LMO3: variants seen among roughly 807,000 people sequenced by gnomAD.
LMO3 encodes LIM domain only 3, also known as LIM domain only protein 3.
LMO3 carries 2 observed loss-of-function variants against 15.8 expected under a neutral mutation model. The observed-to-expected ratio is 0.13, with a 90% CI of 0.05 to 0.40. LMO3 has a LOEUF of 0.40. Among genes scored for constraint, LMO3 ranks in the 10% least tolerant of loss-of-function variants. LMO3 has a pLI of 0.99. For synonymous variants in LMO3, 62 were observed against 63.8 expected (o/e 0.97, Z 0.13); for missense variants, 86 against 182.2 (o/e 0.47, Z 3.04).
rs1362296549 is a variant in LMO3 at position 16,559,280 on chromosome 12, T to C, written c.332+1133A>G. 6.6e-6 allele frequency among the ~76,000 whole-genome samples: 1 copy of C among 152,198 alleles called. No individual in the cohort carries two copies. Among genetic ancestry groups the C allele is most frequent in the East Asian group, 1.9e-4 (1 of 5,200 alleles). On this transcript the variant is annotated intron_variant, in intron 3 of 3. Coordinates refer to ENST00000537304, the MANE Select transcript of LMO3 (RefSeq NM_018640.5). This position sits in a 1 kb window ranked among gnomAD's most constrained non-coding sequence, Gnocchi z 4.1. ...GTTCTAAAATCCTCTCCATTTATCA[T>C]ATAAAACAGGTGCCAGTAGTATATA...
intron 3 of LMO3, among the ~76,000 whole-genome samples, chr12:16,551,686 A>T (rs953387680): frequency 1.3e-5 from 2 of 151,950 alleles, no homozygotes; most frequent in Non-Finnish European, 2.9e-5. Context: ...AATGATAATA[A>T]TGTTTCACTG....
At position 16,603,936 on chromosome 12, in the gene LMO3, G is replaced by A. The variant is rs767853779; in HGVS notation, c.-9+2130C>T. Among the ~76,000 whole-genome samples the A allele has an allele frequency of 2.0e-5, 3 of 152,070 alleles. No homozygotes were observed. The highest frequency in any genetic ancestry group is 1.9e-4 in the East Asian group (1 of 5,192). On this transcript the variant is annotated intron_variant, in intron 1 of 3. Coordinates refer to ENST00000537304, the MANE Select transcript of LMO3 (RefSeq NM_018640.5). The surrounding 1 kb of genome is among the most constrained non-coding windows in gnomAD (Gnocchi z 4.9). ...GTGAATAGAAAACATTTTGTCCGTC[G>A]GAAAATTCACAGAGAACAATTTGGG...
At chr12:16,562,029 C>G (rs148509238) in intron 2 of LMO3, among the ~76,000 whole-genome samples, 110 of 152,240 alleles carry the variant, frequency 7.2e-4, no homozygotes, top group Non-Finnish European at 9.9e-4. Flanking sequence ...ACCCAAGTAA[C>G]CTTCATGTTC....
chr12:16,605,397 G>A, intron 1 of LMO3: 1 of 1,201,262 alleles, frequency 8.3e-7, no homozygotes, highest in Non-Finnish European at 1.0e-6. Context: ...TTGGTCCAGG[G>A]ACCTTCCCTC....
intron 1 of LMO3, chr12:16,605,838 CTCA>C (rs1282808271): frequency 1.3e-6 from 2 of 1,534,898 alleles, no homozygotes; most frequent in Admixed American, 3.9e-5. Flanking sequence ...TATTTCATGT[CTCA>C]TCATAAAAAT....
chr12:16,594,588 C>A (rs532718017), intron 2 of LMO3, among the ~76,000 whole-genome samples: 1 of 151,660 alleles, frequency 6.6e-6, no homozygotes, highest in Admixed American at 6.6e-5. Context: ...AGAAGACATT[C>A]TCATACGAGT....
chr12:16,590,662 T>C (rs549344536), intron 2 of LMO3, among the ~76,000 whole-genome samples: 4 of 152,038 alleles, frequency 2.6e-5, no homozygotes, highest in Admixed American at 2.6e-4. Flanking sequence ...TTGGTCAAGA[T>C]CTTACTCTCA....
chr12:16,605,031 A>G, intron 1 of LMO3: 1 of 1,553,368 alleles, frequency 6.4e-7, no homozygotes, highest in Non-Finnish European at 8.6e-7. Flanking sequence ...GACTATTGTG[A>G]AGCCACTTTG....
rs528402534 is a variant in LMO3, at chr12:16,584,468, G to T, written c.206+16187C>A. On this transcript the variant is annotated intron_variant, in intron 2 of 3. Transcript: ENST00000537304. This position sits in a 1 kb window ranked among gnomAD's most constrained non-coding sequence, Gnocchi z 5.2. The stretch of plus-strand genomic sequence containing the variant: ...CAAAAGTTATTGACAAGGACATGAG[G>T]TTTCTGGAGGACCCAGTGGAAAAGT... 7.2e-4 allele frequency among the ~76,000 whole-genome samples: 110 copies of T among 152,288 alleles called. No individual in the cohort carries two copies. Among genetic ancestry groups the T allele is most frequent in the African/African-American group, 2.5e-3 (105 of 41,560 alleles).
At chr12:16,566,825 C>T (rs556256103) in intron 2 of LMO3, among the ~76,000 whole-genome samples, 2 of 152,158 alleles carry the variant, frequency 1.3e-5, no homozygotes, top group South Asian at 2.1e-4. Context: ...CACATACACA[C>T]ATAATAGGCA....
intron 2 of LMO3, among the ~76,000 whole-genome samples, chr12:16,578,605 G>A (rs1943064931): frequency 1.3e-5 from 2 of 152,112 alleles, no homozygotes; most frequent in Admixed American, 6.5e-5. Flanking sequence ...ATCACTTGAG[G>A]TCAGGAGTTC....
At position 16,604,725 on chromosome 12, in the gene LMO3, C is replaced by T; in HGVS notation, c.-9+1341G>A. 1.1e-6 allele frequency: 1 copy of T among 894,750 alleles called. No homozygotes were observed. The highest frequency in any genetic ancestry group is 1.6e-5 in the African/African-American group (1 of 60,946). The allele number at this position is 894,750 out of a possible 1,614,324, so 55.4% of individuals were successfully genotyped here. On this transcript the variant is annotated intron_variant, in intron 1 of 3. Coordinates refer to ENST00000537304, the MANE Select transcript of LMO3 (RefSeq NM_018640.5). This position sits in a 1 kb window ranked among gnomAD's most constrained non-coding sequence, Gnocchi z 5.3. ...TAGCAAGATTAATTGGTTTAAGCAG[C>T]AGTCTTTCAAAGCAGTTACAACAAT...
intron 2 of LMO3, among the ~76,000 whole-genome samples, chr12:16,564,223 C>T (rs1942508718): frequency 6.6e-6 from 1 of 152,146 alleles, no homozygotes; most frequent in Admixed American, 6.6e-5. Context: ...ACACGGCCTA[C>T]CTGTATGCTG....
At chr12:16,594,788 A>G (rs1943597866) in intron 2 of LMO3, among the ~76,000 whole-genome samples, 1 of 151,618 alleles carries the variant, frequency 6.6e-6, no homozygotes, top group Non-Finnish European at 1.5e-5. Flanking sequence ...CATTTACAAA[A>G]TTACTACTTT....
chr12:16,563,896 A>G (rs1342617423), intron 2 of LMO3, among the ~76,000 whole-genome samples: 1 of 152,232 alleles, frequency 6.6e-6, no homozygotes, highest in African/African-American at 2.4e-5. Context: ...AGATTATTAA[A>G]TCATGATACA....
At chr12:16,594,156 G>T in intron 2 of LMO3, 1 of 1,532,510 alleles carries the variant, frequency 6.5e-7, no homozygotes, top group Non-Finnish European at 8.7e-7. Flanking sequence ...GTGATTTGTT[G>T]GCTAAAGTCA....
At position 16,560,349 on chromosome 12, in the gene LMO3, TTAAA is replaced by T. The variant is rs1942355936; in HGVS notation, c.332+60_332+63del. 7.9e-6 allele frequency: 12 copies of T among 1,518,016 alleles called. No individual in the cohort carries two copies. Among genetic ancestry groups the T allele is most frequent in the Admixed American group, 4.1e-5 (2 of 48,320 alleles). The allele number at this position is 1,518,016 out of a possible 1,614,324, so 94.0% of individuals were successfully genotyped here. On this transcript the variant is annotated intron_variant, in intron 3 of 3. Coordinates refer to ENST00000537304, the MANE Select transcript of LMO3 (RefSeq NM_018640.5). The surrounding 1 kb of genome is among the most constrained non-coding windows in gnomAD (Gnocchi z 5.0). ...AATGTATGAATATAATTTCCACCTATTAAATAAATAGCCAGCACAGAGAGGTTAA... is the reference window on the plus strand; with the variant it reads ...AATGTATGAATATAATTTCCACCTATTAAATAGCCAGCACAGAGAGGTTAA...
At chr12:16,606,657 C>A (rs1324796398), upstream of LMO3, 1 of 152,066 alleles carries the variant, frequency 6.6e-6, no homozygotes, top group African/African-American at 2.4e-5. Flanking sequence ...AAAGCAGCCA[C>A]GAGACAGATC....
At chr12:16,556,188 T>C (rs1197422347) in intron 3 of LMO3, among the ~76,000 whole-genome samples, 1 of 152,236 alleles carries the variant, frequency 6.6e-6, no homozygotes, top group Non-Finnish European at 1.5e-5. Context: ...TTCCTTTTCT[T>C]ACAAAACTAT....
Sources: gnomAD v4.1 joint callset for allele counts (sites outside exome capture counted in the v4.1 genomes callset) on GRCh38, gnomAD v4.1.1 for gene constraint, Gnocchi (gnomAD v3.1) non-coding constraint, MANE v1.5 for transcripts, NCBI Gene and HGNC (gene_info 2026-07-23, HGNC 2026-07-21) for gene names.